Variants in SNAP47 observed in about 807,000 individuals in gnomAD.
The protein encoded by SNAP47 is synaptosomal-associated protein 47.
Under a neutral mutation model 31.4 loss-of-function variants are expected in SNAP47, and 20 were observed. The ratio of observed to expected loss-of-function variants is 0.64; its 90% CI spans 0.45 to 0.93. The LOEUF (loss-of-function observed/expected upper bound fraction) is 0.93, where lower values mean the gene tolerates loss of function less well. SNAP47 is among the 40% of genes least tolerant of loss of function. The probability of loss-of-function intolerance (pLI) is 0.00; values close to 1 mark genes in which losing one functional copy is unlikely to be tolerated. For synonymous variants in SNAP47, 194 were observed against 213.4 expected (o/e 0.91, Z 0.79); for missense variants, 492 against 528.5 (o/e 0.93, Z 0.68).
chr1:227,766,196 G>A (rs1437774356), intron 3 of SNAP47, among the ~76,000 whole-genome samples: 3 of 152,200 alleles, frequency 2.0e-5, no homozygotes, highest in Non-Finnish European at 4.4e-5. Context: ...AGCTGGCACT[G>A]CAGCTGCACT....
upstream of SNAP47, chr1:227,732,419 C>T (rs762088817): frequency 6.2e-7 from 1 of 1,613,018 alleles, no homozygotes; most frequent in African/African-American, 1.3e-5. Flanking sequence ...CATCAACAGC[C>T]TCTCTCAGCT....
At chr1:227,779,662 G>A (rs1664351048) in intron 4 of SNAP47, among the ~76,000 whole-genome samples, 1 of 152,192 alleles carries the variant, frequency 6.6e-6, no homozygotes, top group Non-Finnish European at 1.5e-5. Flanking sequence ...TGTCAGGTGG[G>A]CATATGAGGC....
intron 1 of SNAP47, among the ~76,000 whole-genome samples, chr1:227,737,387 C>T (rs571394413): frequency 3.9e-5 from 6 of 152,292 alleles, no homozygotes; most frequent in African/African-American, 1.4e-4. Context: ...GCAGCTTGTG[C>T]TGGTTTGCAC....
intron 2 of SNAP47, among the ~76,000 whole-genome samples, chr1:227,755,683 C>G (rs1662652240): frequency 6.6e-6 from 1 of 152,110 alleles, no homozygotes. Context: ...CATACCCAGC[C>G]TAGTTTTTTT....
At chr1:227,765,702 CCTTA>C (rs931661456) in intron 3 of SNAP47, among the ~76,000 whole-genome samples, 11 of 152,266 alleles carry the variant, frequency 7.2e-5, no homozygotes, top group African/African-American at 2.6e-4. Context: ...GAAGGGAGCC[CCTTA>C]CTTCCCACCT....
At chr1:227,738,103 A>G (rs955373193) in intron 1 of SNAP47, among the ~76,000 whole-genome samples, 4 of 151,910 alleles carry the variant, frequency 2.6e-5, no homozygotes, top group Non-Finnish European at 5.9e-5. Flanking sequence ...GTGCAATGGC[A>G]TGATCTTGGC....
At chr1:227,729,298 C>T (rs146906984) in intron 1 of SNAP47, among the ~76,000 whole-genome samples, 1 of 152,262 alleles carries the variant, frequency 6.6e-6, no homozygotes, top group Non-Finnish European at 1.5e-5. Flanking sequence ...TTTGGGGGTA[C>T]AGACAACAGG....
At chr1:227,732,141 G>A, upstream of SNAP47, 1 of 575,946 alleles carries the variant, frequency 1.7e-6, no homozygotes, top group East Asian at 2.9e-5. Context: ...AAAAGAGCCA[G>A]GTCCTGGCAC....
At position 227,763,655 on chromosome 1, in the gene SNAP47, C is replaced by T. The variant is rs191173033; in HGVS notation, c.989-3304C>T. Among the ~76,000 whole-genome samples, 17 of 152,328 alleles carry T rather than the reference C, an allele frequency of 1.1e-4. No homozygotes were observed. The highest frequency in any genetic ancestry group is 4.1e-4 in the African/African-American group (17 of 41,586). On this transcript the variant is annotated intron_variant, in intron 3 of 4. Coordinates refer to ENST00000617596, the MANE Select transcript of SNAP47 (RefSeq NM_053052.4). The surrounding 1 kb of genome is among the most constrained non-coding windows in gnomAD (Gnocchi z 4.2). ...CTGGAGCCTATCAGAGGATGCCGCT[C>T]AGCCCCCACCTGCGCGTGCGTATTG...
upstream of SNAP47, chr1:227,734,068 G>T: frequency 1.2e-6 from 2 of 1,602,272 alleles, no homozygotes; most frequent in Non-Finnish European, 1.7e-6. Context: ...CCGACAGCAC[G>T]TGAGGCACGA....
chr1:227,742,644 C>T (rs1463612118), intron 1 of SNAP47, among the ~76,000 whole-genome samples: 1 of 152,222 alleles, frequency 6.6e-6, no homozygotes, highest in Non-Finnish European at 1.5e-5. Flanking sequence ...GTGTCTAGCT[C>T]TCTGTATAGA....
At chr1:227,735,574 C>A in intron 1 of SNAP47, 75 bp downstream of exon 1, 1 of 1,342,054 alleles carries the variant, frequency 7.5e-7, no homozygotes, top group Non-Finnish European at 9.5e-7. Flanking sequence ...TCAGTCCGCG[C>A]GCTGTGGCTG....
intron 4 of SNAP47, chr1:227,775,728 TG>T (rs1664119425): frequency 7.7e-7 from 1 of 1,291,258 alleles, no homozygotes; most frequent in African/African-American, 1.5e-5. Flanking sequence ...ATTTATTTTT[TG>T]CCTTTATAAA....
upstream of SNAP47, chr1:227,732,061 A>C: frequency 2.4e-6 from 1 of 415,802 alleles, no homozygotes; most frequent in Non-Finnish European, 4.5e-6. Flanking sequence ...AAGAGGAGCC[A>C]CCAGAGAAGG....
chr1:227,733,754 G>A, upstream of SNAP47: 2 of 1,591,524 alleles, frequency 1.3e-6, no homozygotes, highest in East Asian at 2.2e-5. Context: ...CCAGAGGCCT[G>A]GTCCAACTGA....
intron 4 of SNAP47, chr1:227,777,084 A>G (rs1228887112): frequency 1.0e-6 from 1 of 970,340 alleles, no homozygotes; most frequent in Admixed American, 6.2e-5. Context: ...TGCACTAGAA[A>G]AAGGCATGAA....
intron 2 of SNAP47, among the ~76,000 whole-genome samples, chr1:227,754,298 C>G (rs1380492737): frequency 6.6e-6 from 1 of 152,230 alleles, no homozygotes; most frequent in Non-Finnish European, 1.5e-5. Flanking sequence ...TGATGTGCTC[C>G]TCTTGAGGTC....
chr1:227,729,920 G>T (rs1012601990), intron 1 of SNAP47, among the ~76,000 whole-genome samples: 7 of 152,164 alleles, frequency 4.6e-5, no homozygotes, highest in African/African-American at 1.7e-4. Context: ...TTCCTATGGG[G>T]GCCCACAGGT....
intron 2 of SNAP47, among the ~76,000 whole-genome samples, chr1:227,750,847 C>T (rs1480342706): frequency 6.6e-6 from 1 of 152,198 alleles, no homozygotes; most frequent in African/African-American, 2.4e-5. Flanking sequence ...CTGTGCCCAG[C>T]CGAGTTTCTG....
Sources: allele counts gnomAD v4.1 joint callset (sites outside exome capture counted in the v4.1 genomes callset), GRCh38; gene constraint gnomAD v4.1.1; non-coding constraint Gnocchi (gnomAD v3.1); transcripts MANE v1.5; gene names NCBI Gene and HGNC (gene_info 2026-07-23, HGNC 2026-07-21).